WWOX: variants seen among roughly 807,000 people sequenced by gnomAD.
The protein encoded by WWOX is WW domain containing oxidoreductase.
In WWOX, 69 loss-of-function variants were observed where a neutral mutation model predicts 46.2. The observed-to-expected ratio is 1.49, with a 90% CI of 1.23 to 1.82. The LOEUF is 1.82. Among genes scored for constraint, WWOX ranks in the 40% most tolerant of loss-of-function variants. The probability of loss-of-function intolerance (pLI) is 0.00; values close to 1 mark genes in which losing one functional copy is unlikely to be tolerated. For synonymous variants in WWOX, 359 were observed against 202.6 expected, an observed-to-expected ratio of 1.77 and a Z score of -6.56; for missense variants, 919 against 542.6, an observed-to-expected ratio of 1.69 and a Z score of -6.89.
At chr16:78,581,184 A>T (rs1372072646) in intron 8 of WWOX, among the ~76,000 whole-genome samples, 1 of 152,172 alleles carries the variant, frequency 6.6e-6, no homozygotes, top group African/African-American at 2.4e-5. Context: ...TACAATTCTG[A>T]TCTTATAAAG....
intron 8 of WWOX, among the ~76,000 whole-genome samples, chr16:78,530,459 A>C (rs758298937): frequency 1.2e-4 from 19 of 152,318 alleles, no homozygotes; most frequent in Non-Finnish European, 2.2e-4. Context: ...CCCTGGAGCT[A>C]TGCCATCAAG....
chr16:78,570,583 G>C (rs1204551951), intron 8 of WWOX, among the ~76,000 whole-genome samples: 3 of 152,018 alleles, frequency 2.0e-5, no homozygotes, highest in Non-Finnish European at 2.9e-5. Context: ...CAAAGTACAG[G>C]GATTATAGGT....
At chr16:79,092,985 C>T (rs564431915) in intron 8 of WWOX, among the ~76,000 whole-genome samples, 22 of 152,240 alleles carry the variant, frequency 1.4e-4, no homozygotes, top group Non-Finnish European at 2.6e-4. Context: ...AAAGTAATCG[C>T]GGTTTTCACC....
chr16:78,454,062 A>G (rs1016123644), intron 8 of WWOX, among the ~76,000 whole-genome samples: 1 of 152,290 alleles, frequency 6.6e-6, no homozygotes, highest in Non-Finnish European at 1.5e-5. Flanking sequence ...AAAAATCAGT[A>G]TTTATTTATT....
At chr16:79,058,261 CTGAGCCTCTATTT>C (rs1234193065) in intron 8 of WWOX, among the ~76,000 whole-genome samples, 2 of 152,094 alleles carry the variant, frequency 1.3e-5, no homozygotes, top group Non-Finnish European at 2.9e-5. Flanking sequence ...CTTTGCATCT[CTGAGCCTCTATTT>C]TCTCTATATA....
chr16:78,670,718 C>T (rs534649436), intron 8 of WWOX, among the ~76,000 whole-genome samples: 1 of 152,010 alleles, frequency 6.6e-6, no homozygotes, highest in Admixed American at 6.5e-5. Flanking sequence ...TGCCATCTTG[C>T]CCAGGCTAGT....
chr16:78,501,045 G>A (rs1163357137), intron 8 of WWOX, among the ~76,000 whole-genome samples: 1 of 152,116 alleles, frequency 6.6e-6, no homozygotes, highest in African/African-American at 2.4e-5. Context: ...TTATTCTTAG[G>A]CATTTAACAG....
At chr16:78,541,166 A>G (rs1478526078) in intron 8 of WWOX, among the ~76,000 whole-genome samples, 2 of 152,074 alleles carry the variant, frequency 1.3e-5, no homozygotes, top group Non-Finnish European at 2.9e-5. Context: ...CTATAAATAC[A>G]CTTCTGTTAT....
intron 5 of WWOX, among the ~76,000 whole-genome samples, chr16:78,217,197 C>T (rs2036750029): frequency 6.6e-6 from 1 of 152,206 alleles, no homozygotes. Context: ...CATTGCCCTG[C>T]ATCCACAGTC....
chr16:78,483,645 A>G (rs1015824785), intron 8 of WWOX, among the ~76,000 whole-genome samples: 1 of 152,090 alleles, frequency 6.6e-6, no homozygotes, highest in Non-Finnish European at 1.5e-5. Context: ...TCGCTTACCA[A>G]TATTTCATCT....
At chr16:78,571,942 A>G (rs2044725711) in intron 8 of WWOX, among the ~76,000 whole-genome samples, 1 of 152,206 alleles carries the variant, frequency 6.6e-6, no homozygotes, top group Admixed American at 6.5e-5. Flanking sequence ...TTAAGTACTA[A>G]GGTCATAACA....
intron 5 of WWOX, among the ~76,000 whole-genome samples, chr16:78,374,672 C>T (rs1435928525): frequency 6.6e-6 from 1 of 151,514 alleles, no homozygotes; most frequent in East Asian, 1.9e-4. Flanking sequence ...CCTCAGCCTC[C>T]CGAGTAGCTG....
chr16:78,715,894 G>A (rs1244867443), intron 8 of WWOX, among the ~76,000 whole-genome samples: 1 of 152,140 alleles, frequency 6.6e-6, no homozygotes, highest in Non-Finnish European at 1.5e-5. Flanking sequence ...AAGGAATGCT[G>A]GGATACGATG....
chr16:78,934,883 T>C (rs1054436388), intron 8 of WWOX, among the ~76,000 whole-genome samples: 3 of 152,188 alleles, frequency 2.0e-5, no homozygotes, highest in Non-Finnish European at 2.9e-5. Context: ...GTGCATCACT[T>C]GAGCCCAGGA....
At chr16:78,958,558 C>A (rs907596232) in intron 8 of WWOX, among the ~76,000 whole-genome samples, 1 of 152,164 alleles carries the variant, frequency 6.6e-6, no homozygotes, top group Non-Finnish European at 1.5e-5. Context: ...CTTGCAGTTT[C>A]CAAAGTAAGC....
At chr16:78,115,179 T>C in intron 4 of WWOX, 25 bp downstream of exon 4, 1 of 1,613,802 alleles carries the variant, frequency 6.2e-7, no homozygotes, top group South Asian at 1.1e-5. Context: ...TAGTTATTTA[T>C]CTTTGGGACT....
intron 8 of WWOX, among the ~76,000 whole-genome samples, chr16:78,894,041 A>ATTATTATTATTATTATTG (rs945984342): frequency 6.8e-6 from 1 of 146,820 alleles, no homozygotes; most frequent in African/African-American, 2.5e-5. Context: ...TATTATTATT[A>ATTATTATTATTATTATTG]TTATTATTAT....
chr16:78,494,175 AC>A (rs2151465437), intron 8 of WWOX, among the ~76,000 whole-genome samples: 1 of 152,314 alleles, frequency 6.6e-6, no homozygotes, highest in African/African-American at 2.4e-5. Flanking sequence ...ATGCTTTTAA[AC>A]AAACAGATCT....
chr16:79,017,803 A>G (rs1386047525), intron 8 of WWOX, among the ~76,000 whole-genome samples: 1 of 152,194 alleles, frequency 6.6e-6, no homozygotes, highest in South Asian at 2.1e-4. Flanking sequence ...TTGCATAACA[A>G]ATTACAGATT....
Sources: gnomAD v4.1 joint callset for allele counts (sites outside exome capture counted in the v4.1 genomes callset) on GRCh38, gnomAD v4.1.1 for gene constraint, MANE v1.5 for transcripts, NCBI Gene and HGNC (gene_info 2026-07-23, HGNC 2026-07-21) for gene names.